Variants in ADAMTS3 observed in about 807,000 individuals in gnomAD.
ADAMTS3 encodes the protein ADAM metallopeptidase with thrombospondin type 1 motif 3.
ADAMTS3 carries 73 observed loss-of-function variants against 129.0 expected under a neutral mutation model. The ratio of observed to expected loss-of-function variants is 0.57; its 90% CI spans 0.47 to 0.69. The LOEUF (loss-of-function observed/expected upper bound fraction) is 0.69. ADAMTS3 is among the 30% of genes least tolerant of loss of function. The probability of loss-of-function intolerance (pLI) is 0.00; values close to 1 mark genes in which losing one functional copy is unlikely to be tolerated. For missense variants in ADAMTS3, 1,457 were observed against 1,514.5 expected, an observed-to-expected ratio of 0.96 and a Z score of 0.63; for synonymous variants, 477 against 510.8, an observed-to-expected ratio of 0.93 and a Z score of 0.89.
At chr4:72,435,994 T>C (rs1461744107) in intron 3 of ADAMTS3, among the ~76,000 whole-genome samples, 1 of 151,860 alleles carries the variant, frequency 6.6e-6, no homozygotes, top group Non-Finnish European at 1.5e-5. Context: ...AAAGACAAAA[T>C]TGACAAATGG....
chr4:72,565,767 C>A (rs1194271107), intron 2 of ADAMTS3, among the ~76,000 whole-genome samples: 1 of 152,176 alleles, frequency 6.6e-6, no homozygotes, highest in Admixed American at 6.5e-5. Context: ...ATTTTCTTCC[C>A]TTTAAAAGGG....
chr4:72,549,323 A>T (rs1721551671), intron 2 of ADAMTS3, among the ~76,000 whole-genome samples: 1 of 152,124 alleles, frequency 6.6e-6, no homozygotes, highest in African/African-American at 2.4e-5. Context: ...GAAATCCTGG[A>T]ATTTAGACTA....
At chr4:72,411,574 C>T (rs187197351) in intron 4 of ADAMTS3, among the ~76,000 whole-genome samples, 2 of 152,006 alleles carry the variant, frequency 1.3e-5, no homozygotes, top group Non-Finnish European at 2.9e-5. Context: ...CACTCTCAAG[C>T]TAATCTCTAC....
chr4:72,560,220 A>T (rs1161506248), intron 2 of ADAMTS3, among the ~76,000 whole-genome samples: 1 of 18,496 alleles, frequency 5.4e-5, no homozygotes, highest in Non-Finnish European at 1.7e-4. Flanking sequence ...ACCCAAAACT[A>T]TAAAAAAAAA....
intron 3 of ADAMTS3, among the ~76,000 whole-genome samples, chr4:72,484,309 C>T (rs1719519702): frequency 6.6e-6 from 1 of 152,194 alleles, no homozygotes; most frequent in Non-Finnish European, 1.5e-5. Context: ...TAAATGCCTT[C>T]CTTTTTTCTT....
chr4:72,463,109 T>C (rs1711826658), intron 3 of ADAMTS3, among the ~76,000 whole-genome samples: 1 of 151,968 alleles, frequency 6.6e-6, no homozygotes, highest in Non-Finnish European at 1.5e-5. Flanking sequence ...TATGTTTAGA[T>C]ACACAAAAAC....
At position 72,283,497 on chromosome 4, in the gene ADAMTS3, G is replaced by A. The variant is rs765441971; in HGVS notation, c.3257C>T (p.Pro1086Leu). 1.1e-5 allele frequency: 17 copies of A among 1,614,022 alleles called. No individual in the cohort carries two copies. In the East Asian group the frequency reaches 3.6e-4, roughly 34 times the overall value. Residue 1086 changes from proline to leucine, a missense_variant, in exon 22 of 22, where the codon CCT (proline) becomes CTT (leucine). Transcript: ENST00000286657. The stretch of plus-strand genomic sequence containing the variant: ...TGAATGATAAGGAACCAAAGATGTA[G>A]GCATCACTAGAGATCTAGGGAGGTC... ...PSDLPRSLVMPTSLVPYHSET... is the reference protein window; with the variant it reads ...PSDLPRSLVMLTSLVPYHSET...
At chr4:72,446,113 A>G (rs1718246389) in intron 3 of ADAMTS3, among the ~76,000 whole-genome samples, 1 of 151,686 alleles carries the variant, frequency 6.6e-6, no homozygotes, top group African/African-American at 2.4e-5. Flanking sequence ...AGGACTTTCA[A>G]TTGTCCTACC....
At chr4:72,296,487 A>C (rs1026797412) in intron 18 of ADAMTS3, among the ~76,000 whole-genome samples, 1 of 152,084 alleles carries the variant, frequency 6.6e-6, no homozygotes, top group South Asian at 2.1e-4. Flanking sequence ...AAAAAATTCA[A>C]ACCTATCCAA....
chr4:72,323,235 A>C (rs760849417), intron 5 of ADAMTS3, 138 bp from the exon 6 acceptor site: 167 of 675,068 alleles, frequency 2.5e-4, no homozygotes, highest in Non-Finnish European at 4.1e-4. Flanking sequence ...TGAACTCTGA[A>C]AGGTAGTCAT....
At chr4:72,374,962 T>C (rs1721101650) in intron 4 of ADAMTS3, among the ~76,000 whole-genome samples, 1 of 152,224 alleles carries the variant, frequency 6.6e-6, no homozygotes, top group Non-Finnish European at 1.5e-5. Context: ...TATTGATCCG[T>C]ATTCTCTTTA....
At chr4:72,557,614 T>G (rs1489198376) in intron 2 of ADAMTS3, among the ~76,000 whole-genome samples, 1 of 151,886 alleles carries the variant, frequency 6.6e-6, no homozygotes, top group Non-Finnish European at 1.5e-5. Context: ...GTTGTGTACT[T>G]AAATTCTTCT....
intron 3 of ADAMTS3, among the ~76,000 whole-genome samples, chr4:72,419,481 C>A (rs921050622): frequency 6.6e-6 from 1 of 152,116 alleles, no homozygotes; most frequent in Non-Finnish European, 1.5e-5. Flanking sequence ...AGAGGTGAGG[C>A]CGTTCAGGGT....
chr4:72,300,046 T>C (rs1718910833), intron 17 of ADAMTS3, among the ~76,000 whole-genome samples: 1 of 152,154 alleles, frequency 6.6e-6, no homozygotes, highest in African/African-American at 2.4e-5. Flanking sequence ...GTTTGAGAAA[T>C]GAGGTGATAC....
intron 3 of ADAMTS3, among the ~76,000 whole-genome samples, chr4:72,516,831 C>T (rs1085959): frequency 0.027 from 4,034 of 151,836 alleles, 208 homozygotes; most frequent in African/African-American, 0.093. Context: ...CCTTTATTTC[C>T]TTCTCCTGCC....
intron 4 of ADAMTS3, among the ~76,000 whole-genome samples, chr4:72,353,324 T>C (rs1358964606): frequency 6.6e-6 from 1 of 152,002 alleles, no homozygotes; most frequent in Non-Finnish European, 1.5e-5. Context: ...TAGTTAGAAT[T>C]CCACATGAGA....
At chr4:72,298,540 GA>G in intron 17 of ADAMTS3, 98 bp from the exon 18 acceptor site, 1 of 962,434 alleles carries the variant, frequency 1.0e-6, no homozygotes, top group Non-Finnish European at 1.5e-6. Flanking sequence ...TATTAAAACT[GA>G]AAACTTTCAA....
chr4:72,384,554 A>T (rs1721386227), intron 4 of ADAMTS3, among the ~76,000 whole-genome samples: 1 of 152,196 alleles, frequency 6.6e-6, no homozygotes, highest in South Asian at 2.1e-4. Context: ...AAAACTACCA[A>T]ATTTGAATTC....
intron 4 of ADAMTS3, among the ~76,000 whole-genome samples, chr4:72,383,074 A>C (rs1424783906): frequency 6.6e-6 from 1 of 152,138 alleles, no homozygotes; most frequent in Non-Finnish European, 1.5e-5. Flanking sequence ...CTGTGAATAG[A>C]AAGATTCTCC....
Sources: gnomAD v4.1 joint callset for allele counts (sites outside exome capture counted in the v4.1 genomes callset) on GRCh38, gnomAD v4.1.1 for gene constraint, MANE v1.5 for transcripts, NCBI Gene and HGNC (gene_info 2026-07-23, HGNC 2026-07-21) for gene names.